The following SLC30A8 variants were observed in gnomAD, a reference collection of about 807,000 sequenced individuals.
SLC30A8 encodes proton-coupled zinc antiporter SLC30A8.
In SLC30A8, 27 loss-of-function variants were observed where a neutral mutation model predicts 36.9. The ratio of observed to expected loss-of-function variants is 0.73; its 90% confidence interval spans 0.54 to 1.01. The LOEUF (loss-of-function observed/expected upper bound fraction) is 1.01. Among genes scored for constraint, SLC30A8 ranks in the 50% least tolerant of loss-of-function variants. SLC30A8 has a pLI of 0.00. For synonymous variants in SLC30A8, 164 were observed against 172.4 expected (o/e 0.95, Z 0.38); for missense variants, 439 against 452.0 (o/e 0.97, Z 0.26).
intron 1 of SLC30A8, among the ~76,000 whole-genome samples, chr8:116,957,542 A>AT: frequency 6.6e-6 from 1 of 152,240 alleles, no homozygotes; most frequent in East Asian, 1.9e-4. Context: ...AAGTGCTGGG[A>AT]TTACAGGCGT....
chr8:117,050,430 C>G (rs929898322), intron 2 of SLC30A8, among the ~76,000 whole-genome samples: 99 of 149,856 alleles, frequency 6.6e-4, no homozygotes, highest in African/African-American at 2.4e-3. Context: ...TTTTGAGACA[C>G]AGTTTCACTC....
chr8:117,077,779 T>C (rs1286957520), intron 2 of SLC30A8, among the ~76,000 whole-genome samples: 1 of 152,216 alleles, frequency 6.6e-6, no homozygotes, highest in Non-Finnish European at 1.5e-5. Context: ...TTTTAACCAC[T>C]AGAAACCAAT....
At chr8:117,138,556 T>C (rs1036190865) in intron 1 of SLC30A8, among the ~76,000 whole-genome samples, 1 of 151,964 alleles carries the variant, frequency 6.6e-6, no homozygotes, top group African/African-American at 2.4e-5. Flanking sequence ...GAATCTCTTA[T>C]TGTCCCAGCT....
At chr8:117,068,737 C>T (rs556564930) in intron 2 of SLC30A8, among the ~76,000 whole-genome samples, 3 of 152,090 alleles carry the variant, frequency 2.0e-5, no homozygotes, top group African/African-American at 7.2e-5. Context: ...CCATCATGCT[C>T]GGCTAATTTC....
At chr8:117,066,534 CACTT>C (rs1818177113) in intron 2 of SLC30A8, among the ~76,000 whole-genome samples, 1 of 152,134 alleles carries the variant, frequency 6.6e-6, no homozygotes, top group African/African-American at 2.4e-5. Context: ...ACCTCACACT[CACTT>C]CAACTGTTTC....
intron 2 of SLC30A8, among the ~76,000 whole-genome samples, chr8:117,068,778 T>A (rs912549304): frequency 2.0e-5 from 3 of 152,134 alleles, no homozygotes; most frequent in Non-Finnish European, 2.9e-5. Flanking sequence ...GGTTTCACTA[T>A]GCTGGCCAGG....
intron 1 of SLC30A8, among the ~76,000 whole-genome samples, chr8:117,009,288 G>A (rs1816270646): frequency 6.6e-6 from 1 of 152,304 alleles, no homozygotes; most frequent in Admixed American, 6.5e-5. Flanking sequence ...GAAAGAGCAT[G>A]GGCCTTTTCT....
intron 1 of SLC30A8, among the ~76,000 whole-genome samples, chr8:116,989,100 CAT>C (rs757650844): frequency 8.5e-5 from 13 of 152,120 alleles, no homozygotes; most frequent in Non-Finnish European, 1.8e-4. Flanking sequence ...AGAACTATAT[CAT>C]ATTTATGCTG....
At chr8:117,053,980 TCTAATCTATG>T (rs1817789123) in intron 2 of SLC30A8, among the ~76,000 whole-genome samples, 1 of 152,000 alleles carries the variant, frequency 6.6e-6, no homozygotes, top group Non-Finnish European at 1.5e-5. Flanking sequence ...CTGAATTGAC[TCTAATCTATG>T]CTCTTTCCAT....
chr8:117,048,408 ATATGTTC>A (rs1351352352), intron 2 of SLC30A8, among the ~76,000 whole-genome samples: 1 of 152,154 alleles, frequency 6.6e-6, no homozygotes, highest in Non-Finnish European at 1.5e-5. Flanking sequence ...TAACATCTAG[ATATGTTC>A]TATTCTTATA....
Position 117,146,951 on chromosome 8 carries a change from T to C in SLC30A8, c.72-3T>C, listed in dbSNP as rs746849548. 10 of 1,613,666 alleles carry C rather than the reference T, an allele frequency of 6.2e-6. No individual in the cohort carries two copies. Among genetic ancestry groups the C allele is most frequent in the African/African-American group, 1.3e-5 (1 of 74,878 alleles). ...TTCTTGCTTCTGTCAAACTCATCCA[T>C]AGTGTGGAACTCCAACAGAAACCGG... On this transcript the variant is annotated splice_polypyrimidine_tract_variant and splice_region_variant and intron_variant, in intron 1 of 7. Coordinates refer to ENST00000456015, the MANE Select transcript of SLC30A8 (RefSeq NM_173851.3).
Position 117,135,280 on chromosome 8 carries a change from T to G in SLC30A8, c.-48T>G. 8.7e-5 allele frequency: 125 copies of G among 1,442,640 alleles called. No individual in the cohort carries two copies. The highest frequency in any genetic ancestry group is 1.8e-4 in the Middle Eastern group (1 of 5,602). 89.4% of individuals were successfully genotyped at this position (1,442,640 alleles called of 1,614,324 possible). A position where few individuals can be genotyped will look rare whatever the true frequency, so the allele number is the denominator to read the frequency against. On this transcript the variant is annotated 5_prime_UTR_variant, in exon 1 of 8. Transcript: ENST00000456015. ...CTGCTTTGCTTCCAAAACTGGGCAG[T>G]GAGTTCAACAACAACGACAACAACA... is the stretch of plus-strand genomic sequence containing the variant.
At chr8:117,005,452 A>G (rs1458919204) in intron 1 of SLC30A8, among the ~76,000 whole-genome samples, 1 of 152,218 alleles carries the variant, frequency 6.6e-6, no homozygotes, top group Non-Finnish European at 1.5e-5. Context: ...AATATACCAC[A>G]TATTGTTTAT....
chr8:116,964,948 G>GT (rs1347128599), intron 1 of SLC30A8, among the ~76,000 whole-genome samples: 1 of 152,108 alleles, frequency 6.6e-6, no homozygotes, highest in East Asian at 1.9e-4. Context: ...TTGTTTGTTT[G>GT]TTTTTGAGAC....
Position 117,172,932 on chromosome 8 carries a change from G to A in SLC30A8, c.*251G>A. 2.2e-6 allele frequency: 1 copy of A among 459,780 alleles called. No homozygotes were observed. The highest frequency in any genetic ancestry group is 3.8e-6 in the Non-Finnish European group (1 of 259,752). 28.5% of individuals were successfully genotyped at this position (459,780 alleles called of 1,614,324 possible). Reference sequence around the variant, plus strand: ...ATGTGTATATAGATTATTCCTGAGTGGAGCCGAAGTAACAGCTGTTTGTAA... The same window carrying A: ...ATGTGTATATAGATTATTCCTGAGTAGAGCCGAAGTAACAGCTGTTTGTAA... On this transcript the variant is annotated 3_prime_UTR_variant, in exon 8 of 8. Transcript: ENST00000456015.
chr8:117,055,250 A>G (rs1054707822), intron 2 of SLC30A8, among the ~76,000 whole-genome samples: 1 of 152,182 alleles, frequency 6.6e-6, no homozygotes, highest in Non-Finnish European at 1.5e-5. Flanking sequence ...TCTGTTTTCT[A>G]ATTGGAAAAA....
chr8:117,110,905 C>T (rs923497907), intron 2 of SLC30A8, among the ~76,000 whole-genome samples: 5 of 152,068 alleles, frequency 3.3e-5, no homozygotes, highest in African/African-American at 7.2e-5. Flanking sequence ...TAGAGGCCGT[C>T]GGGTGATTAG....
At chr8:117,017,484 C>T (rs1402048570) in intron 1 of SLC30A8, among the ~76,000 whole-genome samples, 3 of 152,224 alleles carry the variant, frequency 2.0e-5, no homozygotes, top group Non-Finnish European at 4.4e-5. Flanking sequence ...TAAACACTTA[C>T]TCTCTGTCTG....
At position 116,970,916 on chromosome 8, in the gene SLC30A8, G is replaced by A. The variant is rs182172056; in HGVS notation, c.-266+19797G>A. ...TTGAGACCAGCCTGGCCAACATGGC[G>A]AAACCCCGTCTCTACTAAAAACACA... On this transcript the variant is annotated intron_variant, in intron 1 of 10. Coordinates refer to the SLC30A8 transcript ENST00000427715. Among the ~76,000 whole-genome samples, 177 of 152,224 alleles carry A rather than the reference G, an allele frequency of 1.2e-3. 1 individual carries two copies. The highest frequency in any genetic ancestry group is 1.7e-3 in the South Asian group (8 of 4,824).
Sources: gnomAD v4.1 joint callset for allele counts (sites outside exome capture counted in the v4.1 genomes callset) on GRCh38, gnomAD v4.1.1 for gene constraint, MANE v1.5 for transcripts, NCBI Gene and HGNC (gene_info 2026-07-23, HGNC 2026-07-21) for gene names.